The following SLC22A24 variants were observed in gnomAD, a reference collection of about 807,000 sequenced individuals.
SLC22A24 encodes the protein steroid transmembrane transporter SLC22A24.
Under a neutral mutation model 49.8 loss-of-function variants are expected in SLC22A24, and 53 were observed. The ratio of observed to expected loss-of-function variants is 1.06; its 90% CI spans 0.85 to 1.34. The LOEUF (loss-of-function observed/expected upper bound fraction) is 1.34. Ranked by LOEUF, SLC22A24 falls within the 40% of genes most tolerant of loss-of-function variation. SLC22A24 has a pLI of 0.00. For missense variants in SLC22A24, 786 were observed against 675.9 expected, an observed-to-expected ratio of 1.16 and a Z score of -1.81; for synonymous variants, 302 against 256.4, an observed-to-expected ratio of 1.18 and a Z score of -1.70.
intron 4 of SLC22A24, among the ~76,000 whole-genome samples, chr11:63,107,525 T>C (rs2087129680): frequency 6.6e-6 from 1 of 152,218 alleles, no homozygotes; most frequent in Admixed American, 6.5e-5. Context: ...CCTTGGGCAA[T>C]ATGGCCATTT....
At chr11:63,114,461 G>A (rs546733783) in intron 4 of SLC22A24, among the ~76,000 whole-genome samples, 61 of 151,688 alleles carry the variant, frequency 4.0e-4, no homozygotes, top group African/African-American at 1.4e-3. Flanking sequence ...TCATCTAATC[G>A]TTTTTCAAGG....
At position 63,143,647 on chromosome 11, in the gene SLC22A24, G is replaced by C. The variant is rs750653852; in HGVS notation, c.133C>G (p.Pro45Ala). 2 of 1,599,566 alleles carry C rather than the reference G, an allele frequency of 1.3e-6. No individual in the cohort carries two copies. Among genetic ancestry groups the C allele is most frequent in the South Asian group, 2.3e-5 (2 of 88,534 alleles). The change falls in exon 1 of 10, where the codon CCT becomes GCT. Residue 45 changes from proline to alanine, a missense_variant. Physicochemically the swap from Pro to Ala is conservative, Grantham distance 27. Coordinates refer to ENST00000612278, the MANE Select transcript of SLC22A24 (RefSeq NM_001136506.2). ...IVLENFTAFT[P>A]SHRCWVPLLD... ...AGGGGGACCCAGCAGCGATGACTAGGGGTGAATGCAGTGAAGTTCTCCAAC... is the reference window on the plus strand; with the variant it reads ...AGGGGGACCCAGCAGCGATGACTAGCGGTGAATGCAGTGAAGTTCTCCAAC...
rs747042629 is a variant in SLC22A24 at position 63,081,097 on chromosome 11, A to G, written c.1421T>C (p.Val474Ala). Residue 474 changes from valine to alanine, a missense_variant, in exon 9 of 10, where the codon GTG (valine) becomes GCG (alanine). By Grantham distance (64) the Val-to-Ala change is moderately conservative. Transcript: ENST00000612278. ...CAGTGCTGCCCCAGTCCTACCGGAC[A>G]CTGCATTGATTCCTGCAACTGTTGA... ...LRSTVAGINA[V>A]SGRTGAALAP... 3.9e-6 allele frequency: 6 copies of G among 1,551,520 alleles called. No individual in the cohort carries two copies. The highest frequency in any genetic ancestry group is 1.4e-5 in the African/African-American group (1 of 73,054).
At chr11:63,100,266 T>G (rs548629896) in intron 5 of SLC22A24, among the ~76,000 whole-genome samples, 72 of 152,270 alleles carry the variant, frequency 4.7e-4, no homozygotes, top group African/African-American at 1.5e-3. Context: ...GGCATTTCTA[T>G]ATGACAACAG....
intron 2 of SLC22A24, among the ~76,000 whole-genome samples, chr11:63,121,397 TTCA>T (rs933924908): frequency 1.6e-4 from 24 of 152,220 alleles, no homozygotes; most frequent in African/African-American, 4.6e-4. Context: ...TTGTTAGGAA[TTCA>T]TCACTGGAAA....
In SLC22A24 at chr11:63,110,336, T is replaced by G. The variant is rs2087153890; in HGVS notation, c.831-6038A>C. ...GGATTTATTTGGCAATGCGGGCTCT[T>G]TTTTGGTTCCATATGAAGTTTAAAG... On this transcript the variant is annotated intron_variant, in intron 4 of 9. Coordinates refer to ENST00000612278, the MANE Select transcript of SLC22A24 (RefSeq NM_001136506.2). Among the ~76,000 whole-genome samples, 6 of 152,306 alleles carry G rather than the reference T, an allele frequency of 3.9e-5. No individual in the cohort carries two copies. In the South Asian group the frequency reaches 1.0e-3, roughly 26 times the overall value.
intron 4 of SLC22A24, among the ~76,000 whole-genome samples, chr11:63,112,954 G>A (rs918211005): frequency 1.4e-5 from 2 of 139,240 alleles, no homozygotes; most frequent in Non-Finnish European, 3.0e-5. Context: ...GCCGGAGCTT[G>A]TAGTGAGCCA....
chr11:63,116,378 C>A (rs563876298), intron 4 of SLC22A24: 5 of 183,934 alleles, frequency 2.7e-5, no homozygotes, highest in South Asian at 3.7e-4. Context: ...CACCTAGAAC[C>A]AGAAGGCTCT....
At position 63,142,813 on chromosome 11, in the gene SLC22A24, C is replaced by T. The variant is rs1231524548; in HGVS notation, c.402+565G>A. Among the ~76,000 whole-genome samples the T allele has an allele frequency of 2.6e-5, 4 of 152,116 alleles. No homozygotes were observed. The East Asian group carries it at 7.7e-4, about 29-fold the overall frequency. ...AGCCCTGATCAGTCAGCACTCTTGGCTCACTGGCTGCCCCCCAACCACCAA... is the reference window on the plus strand; with the variant it reads ...AGCCCTGATCAGTCAGCACTCTTGGTTCACTGGCTGCCCCCCAACCACCAA... On this transcript the variant is annotated intron_variant, in intron 1 of 9. Transcript: ENST00000612278.
chr11:63,082,019 A>G lies in SLC22A24; in HGVS notation c.1286-353T>C, dbSNP rs189841911. ...GGCACAGAACTATATTTGTTCTATT[A>G]GAACAATATTCATTTTAATTTTTTC... On this transcript the variant is annotated intron_variant, in intron 7 of 9. Transcript: ENST00000612278. 1.4e-3 allele frequency among the ~76,000 whole-genome samples: 206 copies of G among 152,332 alleles called. 1 individual carries two copies. The highest frequency in any genetic ancestry group is 3.3e-3 in the South Asian group (16 of 4,818).
At chr11:63,101,405 A>G (rs1290994322) in intron 5 of SLC22A24, among the ~76,000 whole-genome samples, 1 of 152,056 alleles carries the variant, frequency 6.6e-6, no homozygotes, top group Non-Finnish European at 1.5e-5. Flanking sequence ...CAATGCTGCT[A>G]TTCAAAAATT....
At position 63,083,227 on chromosome 11, in the gene SLC22A24, C is replaced by T. The variant is rs2086969507; in HGVS notation, c.1285+16G>A. The T allele has an allele frequency of 4.5e-6, 7 of 1,545,714 alleles. No homozygotes were observed. The highest frequency in any genetic ancestry group is 6.1e-6 in the Non-Finnish European group (7 of 1,141,838). ...GGGGTAACTACTTTCTTTCCTGAAA[C>T]TCCTGTCTCTCTCACCTTGGGGCAA... On this transcript the variant is annotated intron_variant, in intron 7 of 9. Transcript: ENST00000612278.
intron 5 of SLC22A24, among the ~76,000 whole-genome samples, chr11:63,102,128 T>C (rs2087095047): frequency 6.6e-6 from 1 of 152,106 alleles, no homozygotes; most frequent in Non-Finnish European, 1.5e-5. Context: ...GGATAACTGC[T>C]TGAGATCATA....
At chr11:63,090,526 A>C (rs1321220677) in intron 6 of SLC22A24, among the ~76,000 whole-genome samples, 1 of 152,124 alleles carries the variant, frequency 6.6e-6, no homozygotes, top group Non-Finnish European at 1.5e-5. Flanking sequence ...AGTGCAATCA[A>C]ATTAGAACTC....
intron 1 of SLC22A24, among the ~76,000 whole-genome samples, chr11:63,138,777 A>G (rs1208366515): frequency 1.3e-5 from 2 of 151,824 alleles, no homozygotes; most frequent in Non-Finnish European, 2.9e-5. Context: ...CCTGGGTTCA[A>G]TTGTTGGCTT....
chr11:63,089,503 C>G (rs887050216), intron 6 of SLC22A24, among the ~76,000 whole-genome samples: 3 of 152,040 alleles, frequency 2.0e-5, no homozygotes, highest in African/African-American at 4.8e-5. Flanking sequence ...ATGAAGAAAG[C>G]GCATCAACTA....
At chr11:63,120,944 A>C (rs1025720942) in intron 2 of SLC22A24, among the ~76,000 whole-genome samples, 3 of 152,186 alleles carry the variant, frequency 2.0e-5, no homozygotes, top group Admixed American at 6.5e-5. Context: ...CAATAAGTAC[A>C]ATGAGAATGT....
intron 4 of SLC22A24, among the ~76,000 whole-genome samples, chr11:63,117,970 C>T (rs1359611556): frequency 1.3e-5 from 2 of 152,062 alleles, no homozygotes; most frequent in African/African-American, 4.8e-5. Flanking sequence ...TATTATTTTC[C>T]CAAATTGTTA....
chr11:63,111,491 G>C (rs1215196794), intron 4 of SLC22A24, among the ~76,000 whole-genome samples: 1 of 151,874 alleles, frequency 6.6e-6, no homozygotes, highest in Non-Finnish European at 1.5e-5. Flanking sequence ...GACTCTTTTT[G>C]GTTGGTAAGC....
Sources: allele counts gnomAD v4.1 joint callset (sites outside exome capture counted in the v4.1 genomes callset), GRCh38; gene constraint gnomAD v4.1.1; transcripts MANE v1.5; gene names NCBI Gene and HGNC (gene_info 2026-07-23, HGNC 2026-07-21).